Variants in ADAMTS17 observed in about 807,000 individuals in gnomAD.
ADAMTS17 encodes the protein A disintegrin and metalloproteinase with thrombospondin motifs 17.
Under a neutral mutation model 141.5 loss-of-function variants are expected in ADAMTS17, and 113 were observed. The ratio of observed to expected loss-of-function variants is 0.80; its 90% CI spans 0.69 to 0.93. ADAMTS17 has a LOEUF of 0.93. Among genes scored for constraint, ADAMTS17 ranks in the 40% least tolerant of loss-of-function variants. The pLI is 0.00. For missense variants in ADAMTS17, 1,659 were observed against 1,517.9 expected (o/e 1.09, Z -1.54); for synonymous variants, 768 against 630.6 (o/e 1.22, Z -3.27).
intron 6 of ADAMTS17, among the ~76,000 whole-genome samples, chr15:100,255,608 G>A (rs939838179): frequency 3.4e-5 from 1 of 29,590 alleles, no homozygotes; most frequent in Non-Finnish European, 7.0e-5. Context: ...CAATTCTCGT[G>A]TTTTGAGCAA....
At chr15:100,207,940 C>G (rs928160222) in intron 7 of ADAMTS17, among the ~76,000 whole-genome samples, 3 of 152,172 alleles carry the variant, frequency 2.0e-5, no homozygotes, top group Admixed American at 2.0e-4. Flanking sequence ...CACTCAAACA[C>G]AGCCTTGGAG....
At chr15:100,047,030 C>T (rs2141566541) in intron 18 of ADAMTS17, among the ~76,000 whole-genome samples, 1 of 152,184 alleles carries the variant, frequency 6.6e-6, no homozygotes, top group African/African-American at 2.4e-5. Context: ...CAGCAAGGAA[C>T]ATCCCTGAGA....
intron 7 of ADAMTS17, among the ~76,000 whole-genome samples, chr15:100,225,292 T>G (rs988117130): frequency 6.6e-6 from 1 of 152,272 alleles, no homozygotes; most frequent in African/African-American, 2.4e-5. Context: ...CTCTGTCATG[T>G]CAAAAATGTA....
chr15:100,036,688 TACA>T (rs2030752792), intron 18 of ADAMTS17, among the ~76,000 whole-genome samples: 2 of 152,346 alleles, frequency 1.3e-5, no homozygotes, highest in Admixed American at 1.3e-4. Flanking sequence ...ATCTTTTTAT[TACA>T]ACAAAAGAAA....
chr15:100,155,075 A>C (rs994616378), intron 9 of ADAMTS17, 105 bp downstream of exon 9: 2 of 1,568,210 alleles, frequency 1.3e-6, no homozygotes, highest in African/African-American at 1.4e-5. Flanking sequence ...GCAAATCCCA[A>C]AAGAGAGTCA....
In ADAMTS17 at chr15:100,339,022, A is replaced by C. The variant is rs150428088; in HGVS notation, c.450+2017T>G. 7.4e-5 allele frequency: 73 copies of C among 985,522 alleles called. No individual in the cohort carries two copies. The African/African-American group carries it at 1.1e-3, about 15-fold the overall frequency. 61.0% of individuals were successfully genotyped at this position (985,522 alleles called of 1,614,324 possible). ...ACAGAGGGGGAAGTGTCCAATGTCC[A>C]GCTCACACGAACGGGATGAACAAGG... On this transcript the variant is annotated intron_variant, in intron 2 of 21. Coordinates refer to ENST00000268070, the MANE Select transcript of ADAMTS17 (RefSeq NM_139057.4).
At chr15:100,028,137 A>C (rs2029863687) in intron 18 of ADAMTS17, among the ~76,000 whole-genome samples, 1 of 152,180 alleles carries the variant, frequency 6.6e-6, no homozygotes, top group Non-Finnish European at 1.5e-5. Context: ...TATCATGGGA[A>C]GCTTACTAAG....
Position 100,096,361 on chromosome 15 carries a change from C to T in ADAMTS17, c.2132G>A (p.Gly711Glu), listed in dbSNP as rs1263165889. The change falls in exon 15 of 22, where the codon GGG (glycine) becomes GAG (glutamate). Residue 711 changes from glycine to glutamate, a missense_variant. By Grantham distance (98) the Gly-to-Glu change is moderately conservative (BLOSUM62 -2). Transcript: ENST00000268070. ...CCCCATGGGCCAACACTCACCTGTCCCCCGGGCGTGGCTGAAGTCGCCCTT... is the reference window on the plus strand; with the variant it reads ...CCCCATGGGCCAACACTCACCTGTCTCCCGGGCGTGGCTGAAGTCGCCCTT... ...LVKGDFSHARGTALKDSGKGS... is the reference protein window; with the variant it reads ...LVKGDFSHARETALKDSGKGS... 3.7e-6 allele frequency: 6 copies of T among 1,613,762 alleles called. No homozygotes were observed. Among genetic ancestry groups the T allele is most frequent in the Non-Finnish European group, 4.2e-6 (5 of 1,180,038 alleles).
intron 14 of ADAMTS17, among the ~76,000 whole-genome samples, chr15:100,103,470 G>A (rs1245334676): frequency 6.6e-6 from 1 of 152,184 alleles, no homozygotes; most frequent in East Asian, 1.9e-4. Flanking sequence ...ACAGGAAATA[G>A]GAGGCCAATA....
Position 100,133,232 on chromosome 15 carries a change from G to C in ADAMTS17, c.1557C>G (p.Thr519=). The change falls in exon 11 of 22, where the codon ACC becomes ACG. Residue 519 remains threonine (T), a synonymous_variant. Coordinates refer to ENST00000268070, the MANE Select transcript of ADAMTS17 (RefSeq NM_139057.4). ...KTKLDPPLDG[T]ECGADKWCRA... The stretch of plus-strand genomic sequence containing the variant: ...AGGTTACCTTGTCTGCCCCACACTC[G>C]GTGCCATCCAGGGGAGGGTCCAGCT... The C allele has an allele frequency of 6.3e-7, 1 of 1,595,316 alleles. No homozygotes were observed. Among genetic ancestry groups the C allele is most frequent in the Non-Finnish European group, 8.5e-7 (1 of 1,169,602 alleles).
Position 100,229,228 on chromosome 15 carries a change from C to T in ADAMTS17, c.1075+24908G>A, listed in dbSNP as rs75917169. Among the ~76,000 whole-genome samples the T allele has an allele frequency of 4.5e-4, 69 of 152,240 alleles. No homozygotes were observed. The East Asian group carries it at 0.012, about 27-fold the overall frequency. Reference sequence around the variant, plus strand: ...ACAACCCAACAGCTTGCAAATAGGACGCAAAGATGGTTTCAGGCTATGAAT... The same window carrying T: ...ACAACCCAACAGCTTGCAAATAGGATGCAAAGATGGTTTCAGGCTATGAAT... On this transcript the variant is annotated intron_variant, in intron 7 of 21. Coordinates refer to ENST00000268070, the MANE Select transcript of ADAMTS17 (RefSeq NM_139057.4).
chr15:100,255,048 G>A (rs2043279056), intron 6 of ADAMTS17, among the ~76,000 whole-genome samples: 1 of 152,122 alleles, frequency 6.6e-6, no homozygotes, highest in South Asian at 2.1e-4. Flanking sequence ...AAGCTCCCCA[G>A]GATCCCCTGG....
chr15:100,265,790 GCA>G (rs1421306122), intron 4 of ADAMTS17, among the ~76,000 whole-genome samples: 2 of 152,222 alleles, frequency 1.3e-5, no homozygotes, highest in Non-Finnish European at 2.9e-5. Context: ...ATGCTCTGTA[GCA>G]CAGTGTCTGA....
At chr15:100,239,298 G>A (rs34827478) in intron 7 of ADAMTS17, among the ~76,000 whole-genome samples, 16,441 of 152,248 alleles carry the variant, frequency 0.11, 939 homozygotes, top group East Asian at 0.15. Flanking sequence ...GACGTTCTCA[G>A]CAGATGGTAG....
chr15:100,318,061 T>C (rs557522575), intron 3 of ADAMTS17, among the ~76,000 whole-genome samples: 1 of 152,226 alleles, frequency 6.6e-6, no homozygotes, highest in East Asian at 1.9e-4. Context: ...TTGCAGGACA[T>C]GGAAGGGAAG....
intron 3 of ADAMTS17, among the ~76,000 whole-genome samples, chr15:100,319,031 C>A (rs1180261677): frequency 6.6e-6 from 1 of 152,246 alleles, no homozygotes; most frequent in Non-Finnish European, 1.5e-5. Context: ...AGGATAAGCA[C>A]TGAAGGAGAG....
intron 14 of ADAMTS17, among the ~76,000 whole-genome samples, chr15:100,101,411 C>T (rs4465591): frequency 4.1e-4 from 62 of 152,282 alleles, no homozygotes; most frequent in Non-Finnish European, 7.9e-4. Context: ...GTGTGCAGCA[C>T]TCGGAATGTG....
At chr15:100,180,948 A>G (rs772223457) in intron 8 of ADAMTS17, among the ~76,000 whole-genome samples, 9 of 152,150 alleles carry the variant, frequency 5.9e-5, no homozygotes, top group Non-Finnish European at 1.2e-4. Flanking sequence ...ACACTGTCCA[A>G]GAGCCAGGCA....
In ADAMTS17 at chr15:99,971,536, T is replaced by G. The variant is rs1299250747; in HGVS notation, c.*2866A>C. 6.6e-6 allele frequency: 1 copy of G among 152,262 alleles called. No homozygotes were observed. Among genetic ancestry groups the G allele is most frequent in the African/African-American group, 2.4e-5 (1 of 41,468 alleles). 9.4% of individuals were successfully genotyped at this position (152,262 alleles called of 1,614,324 possible). On this transcript the variant is annotated 3_prime_UTR_variant, in exon 22 of 22. Transcript: ENST00000268070. ...CATGTATAATGGCGTCCAATGTTTG[T>G]CTTCCGTTTTTTTTCCTTTCAAAAC...
Sources: allele counts gnomAD v4.1 joint callset (sites outside exome capture counted in the v4.1 genomes callset), GRCh38; gene constraint gnomAD v4.1.1; transcripts MANE v1.5; gene names NCBI Gene and HGNC (gene_info 2026-07-23, HGNC 2026-07-21).